The following EPM2A variants were observed in gnomAD, a reference collection of about 807,000 sequenced individuals.
EPM2A encodes the protein EPM2A glucan phosphatase, laforin, also known as laforin.
Under a neutral mutation model 26.5 loss-of-function variants are expected in EPM2A, and 21 were observed. The ratio of observed to expected loss-of-function variants is 0.79; its 90% CI spans 0.56 to 1.14. The LOEUF (loss-of-function observed/expected upper bound fraction) is 1.14, where lower values mean the gene tolerates loss of function less well. Ranked by LOEUF, EPM2A falls within the 50% of genes most tolerant of loss-of-function variation. The probability of loss-of-function intolerance (pLI) is 0.00; values close to 1 mark genes in which losing one functional copy is unlikely to be tolerated. For missense variants in EPM2A, 458 were observed against 440.8 expected (o/e 1.04, Z -0.35); for synonymous variants, 217 against 177.6 (o/e 1.22, Z -1.76).
intron 4 of EPM2A, among the ~76,000 whole-genome samples, chr6:145,415,926 T>C (rs955567015): frequency 6.6e-6 from 1 of 152,196 alleles, no homozygotes; most frequent in Non-Finnish European, 1.5e-5. Context: ...CCATTCTTGC[T>C]CTCCATCCTC....
At chr6:145,670,465 C>A (rs1013085309) in intron 2 of EPM2A, 2 of 152,136 alleles carry the variant, frequency 1.3e-5, no homozygotes, top group East Asian at 3.9e-4. Context: ...AACAACAATG[C>A]TGCTGATAAT....
chr6:145,430,535 A>C (rs1778908174), intron 4 of EPM2A, among the ~76,000 whole-genome samples: 1 of 151,648 alleles, frequency 6.6e-6, no homozygotes, highest in African/African-American at 2.4e-5. Context: ...TGGAGGGCGG[A>C]GGTTGCAGTG....
chr6:145,593,547 A>G (rs905728401), intron 2 of EPM2A, among the ~76,000 whole-genome samples: 1 of 152,082 alleles, frequency 6.6e-6, no homozygotes, highest in African/African-American at 2.4e-5. Context: ...ACACACCTTA[A>G]CAAATTTTTT....
rs188305617 is a variant in EPM2A, at chr6:145,483,703, C to G, written c.555+18819G>C. On this transcript the variant is annotated intron_variant, in intron 4 of 4. Coordinates refer to the EPM2A transcript ENST00000638717. ...AAGCTGTGGTGTTAAACAAGGATGCCCAAGCACATAATTCCACACAACAGT... is the reference window on the plus strand; with the variant it reads ...AAGCTGTGGTGTTAAACAAGGATGCGCAAGCACATAATTCCACACAACAGT... 9.9e-5 allele frequency among the ~76,000 whole-genome samples: 15 copies of G among 152,182 alleles called. 1 individual carries two copies. The highest frequency in any genetic ancestry group is 1.5e-5 in the Non-Finnish European group (1 of 67,974).
rs766398489 is a variant in EPM2A, at chr6:145,684,262, C to T, written c.476+1860G>A. ...TAAAATGTAAATCCAAGAGGTCCAA[C>T]ATCCATCTAAGGAGTGTCTCTAATG... On this transcript the variant is annotated intron_variant, in intron 2 of 3. Transcript: ENST00000367519. Among the ~76,000 whole-genome samples the T allele has an allele frequency of 1.9e-4, 29 of 152,056 alleles. 1 individual carries two copies. The highest frequency in any genetic ancestry group is 3.2e-4 in the Non-Finnish European group (22 of 68,010).
At chr6:145,454,225 T>C (rs1407590754) in intron 4 of EPM2A, among the ~76,000 whole-genome samples, 2 of 152,180 alleles carry the variant, frequency 1.3e-5, no homozygotes, top group Admixed American at 1.3e-4. Context: ...GTGCCGGAAG[T>C]GGTGGAAGTA....
intron 1 of EPM2A, among the ~76,000 whole-genome samples, chr6:145,724,723 T>C (rs1432050110): frequency 6.6e-6 from 1 of 152,048 alleles, no homozygotes; most frequent in African/African-American, 2.4e-5. Context: ...AGGTGGTTTC[T>C]AATAAAGACA....
At chr6:145,606,975 A>C (rs1478010708) in intron 2 of EPM2A, among the ~76,000 whole-genome samples, 1 of 152,162 alleles carries the variant, frequency 6.6e-6, no homozygotes, top group Non-Finnish European at 1.5e-5. Flanking sequence ...GAAGCTGACA[A>C]GTAATTTATA....
At chr6:145,536,489 G>T (rs185737913) in intron 2 of EPM2A, among the ~76,000 whole-genome samples, 4 of 152,124 alleles carry the variant, frequency 2.6e-5, no homozygotes, top group East Asian at 1.9e-4. Context: ...TAGAGACGGG[G>T]TCTCACCATG....
At chr6:145,689,464 G>A (rs79050150) in intron 1 of EPM2A, among the ~76,000 whole-genome samples, 1,811 of 152,242 alleles carry the variant, frequency 0.012, 32 homozygotes, top group African/African-American at 0.041. Context: ...AGACTATCCA[G>A]GGACACTGAG....
chr6:145,555,930 C>A (rs1407303802), intron 2 of EPM2A, among the ~76,000 whole-genome samples: 1 of 152,118 alleles, frequency 6.6e-6, no homozygotes, highest in African/African-American at 2.4e-5. Flanking sequence ...AAGACACAGC[C>A]TAGCAAAGAG....
chr6:145,698,684 C>T (rs183185035), intron 1 of EPM2A, among the ~76,000 whole-genome samples: 4 of 151,822 alleles, frequency 2.6e-5, no homozygotes, highest in African/African-American at 7.2e-5. Context: ...AATTGAATAT[C>T]CCATTGTTAT....
At chr6:145,443,031 T>TTGTG (rs371782797) in intron 4 of EPM2A, among the ~76,000 whole-genome samples, 14 of 151,484 alleles carry the variant, frequency 9.2e-5, no homozygotes, top group African/African-American at 2.9e-4. Context: ...CGGCTAATTT[T>TTGTG]TGTGTGTGTG....
chr6:145,543,220 T>C (rs892084696), intron 2 of EPM2A, among the ~76,000 whole-genome samples: 5 of 152,120 alleles, frequency 3.3e-5, no homozygotes, highest in African/African-American at 9.7e-5. Flanking sequence ...TCTTTTTTTT[T>C]CTTAATCACG....
chr6:145,702,684 A>C (rs908884632), intron 1 of EPM2A, among the ~76,000 whole-genome samples: 1 of 152,174 alleles, frequency 6.6e-6, no homozygotes, highest in Non-Finnish European at 1.5e-5. Context: ...TATACTACTA[A>C]AACAAACTCA....
chr6:145,725,932 ATTTC>A (rs1776183744), intron 1 of EPM2A, among the ~76,000 whole-genome samples: 2 of 152,098 alleles, frequency 1.3e-5, no homozygotes, highest in Admixed American at 1.3e-4. Flanking sequence ...ATAAATGTAT[ATTTC>A]TTTGTTTTGC....
intron 4 of EPM2A, among the ~76,000 whole-genome samples, chr6:145,418,881 T>C (rs1164168788): frequency 6.6e-6 from 1 of 152,226 alleles, no homozygotes; most frequent in Non-Finnish European, 1.5e-5. Context: ...AAGTATGCTA[T>C]GTAGTTAAAA....
At chr6:145,685,061 T>C (rs1780809628) in intron 2 of EPM2A, among the ~76,000 whole-genome samples, 1 of 152,200 alleles carries the variant, frequency 6.6e-6, no homozygotes, top group African/African-American at 2.4e-5. Context: ...CATCTCCTTG[T>C]GTATGGTACA....
chr6:145,500,299 T>A (rs1779872616), downstream of EPM2A, among the ~76,000 whole-genome samples: 1 of 152,184 alleles, frequency 6.6e-6, no homozygotes, highest in Non-Finnish European at 1.5e-5. Context: ...AACATGTAAA[T>A]TCTTCTTTGT....
Sources: allele counts gnomAD v4.1 joint callset (sites outside exome capture counted in the v4.1 genomes callset), GRCh38; gene constraint gnomAD v4.1.1; transcripts MANE v1.5; gene names NCBI Gene and HGNC (gene_info 2026-07-23, HGNC 2026-07-21).